SLC22A13: variants seen among roughly 807,000 people sequenced by gnomAD.
The protein encoded by SLC22A13 is organic anion transporter 10.
A neutral mutation model predicts 49.1 loss-of-function variants in SLC22A13; 42 were observed. That is an observed-to-expected ratio of 0.85 (90% CI 0.67 to 1.11). The LOEUF (loss-of-function observed/expected upper bound fraction) is 1.11. Among genes scored for constraint, SLC22A13 ranks in the 50% least tolerant of loss-of-function variants. The pLI, the probability that SLC22A13 is intolerant of heterozygous loss-of-function variation, is 0.00. For missense variants in SLC22A13, 694 were observed against 712.8 expected (o/e 0.97, Z 0.30); for synonymous variants, 282 against 293.1 (o/e 0.96, Z 0.39).
chr3:38,275,284 G>T, intron 4 of SLC22A13, 86 bp from the exon 5 acceptor site: 1 of 1,596,600 alleles, frequency 6.3e-7, no homozygotes, highest in Non-Finnish European at 8.6e-7. Context: ...GTCACAGCTG[G>T]GTGTGGGGTT....
intron 9 of SLC22A13, 99 bp downstream of exon 9, chr3:38,277,226 C>G: frequency 8.7e-7 from 1 of 1,147,802 alleles, no homozygotes. Flanking sequence ...CCACTGTTGC[C>G]TAGAGGCTAA....
At chr3:38,272,925 A>G (rs527727754) in intron 1 of SLC22A13, among the ~76,000 whole-genome samples, 1 of 152,160 alleles carries the variant, frequency 6.6e-6, no homozygotes, top group South Asian at 2.1e-4. Context: ...TCTCAACTCT[A>G]CCAGCTGCCA....
At chr3:38,277,190 G>A in intron 9 of SLC22A13, 63 bp downstream of exon 9, 1 of 1,302,502 alleles carries the variant, frequency 7.7e-7, no homozygotes, top group East Asian at 2.5e-5. Flanking sequence ...CACTCTATAT[G>A]CCCAGGCCTC....
chr3:38,267,617 T>C (rs555488979), intron 1 of SLC22A13, among the ~76,000 whole-genome samples: 1 of 152,324 alleles, frequency 6.6e-6, no homozygotes, highest in African/African-American at 2.4e-5. Context: ...GCAACCGTAT[T>C]CAGCCAAAGG....
chr3:38,272,990 A>G (rs999073707), intron 1 of SLC22A13, among the ~76,000 whole-genome samples: 12 of 152,156 alleles, frequency 7.9e-5, no homozygotes, highest in Non-Finnish European at 1.6e-4. Flanking sequence ...CGGGAAGTTG[A>G]TAATAAGTGA....
At chr3:38,274,576 T>G (rs766521092) in intron 2 of SLC22A13, 28 bp from the exon 3 acceptor site, 1 of 1,607,194 alleles carries the variant, frequency 6.2e-7, no homozygotes, top group Non-Finnish European at 8.5e-7. Context: ...GGAGGGACCC[T>G]CCCCACAGAC....
rs1458099661 is a variant in SLC22A13 at position 38,277,370 on chromosome 3, A to G, written c.1563-2A>G. 23 of 1,611,820 alleles carry G rather than the reference A, an allele frequency of 1.4e-5. No individual in the cohort carries two copies. In the Admixed American group the frequency reaches 2.7e-4, roughly 19 times the overall value. ...CCAATGACAGCCTTCTGCTCCCTCT[A>G]GGTCCCCCAAATCAGTGCCCTCAGA... On this transcript the variant is annotated splice_acceptor_variant, in intron 9 of 9. Transcript: ENST00000311856. LOFTEE classifies it high-confidence loss of function.
rs1703457805 is a variant in SLC22A13 at position 38,265,871 on chromosome 3, T to C, written c.11T>C (p.Phe4Ser). 6.2e-7 allele frequency: 1 copy of C among 1,614,032 alleles called. No homozygotes were observed. Among genetic ancestry groups the C allele is most frequent in the African/African-American group, 1.3e-5 (1 of 74,924 alleles). ...TAGTGACTGGCATACATGGCTCAGT[T>C]TGTCCAGGTCCTGGCTGAAATAGGT... MAQ[F>S]VQVLAEIGDF... Residue 4 changes from phenylalanine to serine, a missense_variant, in exon 1 of 10, where the codon TTT becomes TCT. Coordinates refer to ENST00000311856, the MANE Select transcript of SLC22A13 (RefSeq NM_004256.4).
rs1252075539 is a variant in SLC22A13 at position 38,275,063 on chromosome 3, A to G, written c.712A>G (p.Met238Val). The change falls in exon 4 of 10, where the codon ATG becomes GTG. Residue 238 changes from methionine (M) to valine (V), a missense_variant. Physicochemically the swap from Met to Val is conservative, Grantham distance 21. Transcript: ENST00000311856. Reference protein sequence around the residue: ...LAQCNFSLGQMVLAGLAYGFR... With the variant: ...LAQCNFSLGQVVLAGLAYGFR... ...CCAGTGCAACTTCTCCCTCGGGCAG[A>G]TGGTGCTTGCGGGACTCGCCTACGG... The G allele has an allele frequency of 1.2e-6, 2 of 1,614,250 alleles. No homozygotes were observed. Among genetic ancestry groups the G allele is most frequent in the Non-Finnish European group, 1.7e-6 (2 of 1,180,036 alleles).
intron 1 of SLC22A13, 105 bp downstream of exon 1, chr3:38,266,343 T>TGGTTGACCATATGGGC: frequency 2.3e-6 from 3 of 1,327,662 alleles, no homozygotes; most frequent in African/African-American, 1.5e-5. Flanking sequence ...CCCATGCCCA[T>TGGTTGACCATATGGGC]ATGGTCAACC....
At chr3:38,268,203 G>A (rs1428010965) in intron 1 of SLC22A13, among the ~76,000 whole-genome samples, 3 of 152,186 alleles carry the variant, frequency 2.0e-5, no homozygotes, top group Admixed American at 2.0e-4. Flanking sequence ...CACTTAGGAA[G>A]AGTCTTCATT....
At chr3:38,268,876 C>T (rs1245415168) in intron 1 of SLC22A13, among the ~76,000 whole-genome samples, 1 of 152,152 alleles carries the variant, frequency 6.6e-6, no homozygotes. Context: ...CCTTTAAGGA[C>T]TGTCCACTGG....
chr3:38,265,935 G>T lies in SLC22A13; in HGVS notation c.75G>T (p.Leu25=). The T allele has an allele frequency of 6.2e-7, 1 of 1,614,170 alleles. No homozygotes were observed. The highest frequency in any genetic ancestry group is 8.5e-7 in the Non-Finnish European group (1 of 1,180,004). Residue 25 remains leucine, a synonymous_variant, in exon 1 of 10, where the codon CTG becomes CTT. Transcript: ENST00000311856. ...GRFQIQLLIL[L]CVLNFLSPFY... is the part of the protein sequence containing the mutation. ...TCCAGATACAGCTATTGATCCTGCT[G>T]TGTGTTCTCAACTTCCTGTCTCCCT...
chr3:38,271,542 C>CAAAA (rs397837435), intron 1 of SLC22A13, among the ~76,000 whole-genome samples: 1 of 48,398 alleles, frequency 2.1e-5, no homozygotes, highest in African/African-American at 6.0e-5. Context: ...GACGCTTTCT[C>CAAAA]AAAAAAAAAA....
chr3:38,274,616 G>C lies in SLC22A13; in HGVS notation c.495G>C (p.Lys165Asn). 1 of 1,613,798 alleles carries C rather than the reference G, an allele frequency of 6.2e-7. No homozygotes were observed. Among genetic ancestry groups the C allele is most frequent in the Non-Finnish European group, 8.5e-7 (1 of 1,179,958 alleles). Residue 165 changes from lysine to asparagine, a missense_variant, in exon 3 of 10, where the codon AAG (lysine) becomes AAC (asparagine). Physicochemically the swap from Lys to Asn is moderately conservative, Grantham distance 94. Coordinates refer to ENST00000311856, the MANE Select transcript of SLC22A13 (RefSeq NM_004256.4). Reference protein sequence around the residue: ...FGPLCDRIGRKATILAQLLLF... With the variant: ...FGPLCDRIGRNATILAQLLLF... ...CCTGTTTCCTCAGGATTGGCCGCAAGGCCACAATCCTGGCGCAGCTGCTCC... is the reference window on the plus strand; with the variant it reads ...CCTGTTTCCTCAGGATTGGCCGCAACGCCACAATCCTGGCGCAGCTGCTCC...
rs779792115 is a variant in SLC22A13, at chr3:38,276,294, C to T, written c.1245C>T (p.Pro415=). The change falls in exon 8 of 10, where the codon CCC becomes CCT. Residue 415 remains proline, a synonymous_variant. Coordinates refer to ENST00000311856, the MANE Select transcript of SLC22A13 (RefSeq NM_004256.4). The part of the protein sequence containing the change: ...IIIIFIPADL[P]VVVTMLAVVG... ...CTGTCTACCCTCTGCCAGATCTGCC[C>T]GTGGTGGTCACCATGCTGGCTGTGG... 1.4e-5 allele frequency: 22 copies of T among 1,611,696 alleles called. No individual in the cohort carries two copies. Among genetic ancestry groups the T allele is most frequent in the East Asian group, 8.9e-5 (4 of 44,886 alleles).
intron 6 of SLC22A13, 87 bp from the exon 7 acceptor site, chr3:38,275,795 C>T (rs556721246): frequency 2.7e-6 from 4 of 1,485,598 alleles, no homozygotes; most frequent in Admixed American, 1.7e-5. Flanking sequence ...CCAGTGTCCC[C>T]TGCTGTGACT....
At position 38,277,486 on chromosome 3, in the gene SLC22A13, A is replaced by C. The variant is rs1320254961; in HGVS notation, c.*21A>C. The C allele has an allele frequency of 5.0e-6, 8 of 1,584,706 alleles. 1 individual carries two copies. The South Asian group carries it at 8.9e-5, about 18-fold the overall frequency. ...TCTGATTGAGGTCTCTAAGAGCTGG[A>C]CCATCAGCAGCAGGGAGCTGCCTAA... On this transcript the variant is annotated 3_prime_UTR_variant, in exon 10 of 10. Coordinates refer to ENST00000311856, the MANE Select transcript of SLC22A13 (RefSeq NM_004256.4).
In SLC22A13 at chr3:38,275,775, C is replaced by T. The variant is rs1219505135; in HGVS notation, c.1022+103C>T. 3.2e-5 allele frequency: 47 copies of T among 1,475,842 alleles called. 1 individual carries two copies. Among genetic ancestry groups the T allele is most frequent in the Non-Finnish European group, 4.3e-5 (46 of 1,069,476 alleles). The allele number at this position is 1,475,842 out of a possible 1,614,324, so 91.4% of individuals were successfully genotyped here. Reference sequence around the variant, plus strand: ...GGCTGTTTGGCTGGGATGGTCTCTCCCTGGTTGTGCCAGTGTCCCCTGCTG... The same window carrying T: ...GGCTGTTTGGCTGGGATGGTCTCTCTCTGGTTGTGCCAGTGTCCCCTGCTG... On this transcript the variant is annotated intron_variant, in intron 6 of 9. Transcript: ENST00000311856.
Sources: allele counts gnomAD v4.1 joint callset (sites outside exome capture counted in the v4.1 genomes callset), GRCh38; gene constraint gnomAD v4.1.1; transcripts MANE v1.5; gene names NCBI Gene and HGNC (gene_info 2026-07-23, HGNC 2026-07-21).